PCGF6: variants seen among roughly 807,000 people sequenced by gnomAD.
PCGF6 encodes the protein polycomb group RING finger protein 6.
A neutral mutation model predicts 45.5 loss-of-function variants in PCGF6; 24 were observed. The ratio of observed to expected loss-of-function variants is 0.53; its 90% CI spans 0.38 to 0.74. The LOEUF is 0.74. Ranked by LOEUF, PCGF6 falls within the 30% of genes least tolerant of loss-of-function variation. The pLI is 0.00. For synonymous variants in PCGF6, 152 were observed against 162.1 expected, an observed-to-expected ratio of 0.94 and a Z score of 0.47; for missense variants, 356 against 443.2, an observed-to-expected ratio of 0.80 and a Z score of 1.77.
At position 103,347,225 on chromosome 10, in the gene PCGF6, C is replaced by T; in HGVS notation, c.673+13G>A. The T allele has an allele frequency of 1.3e-6, 2 of 1,585,812 alleles. No homozygotes were observed. Among genetic ancestry groups the T allele is most frequent in the East Asian group, 2.2e-5 (1 of 44,606 alleles). On this transcript the variant is annotated intron_variant, in intron 5 of 9. Coordinates refer to ENST00000369847, the MANE Select transcript of PCGF6 (RefSeq NM_001011663.2). ...TAATCTGTAAGTACATTATAGTATA[C>T]ACCCAAACTTACCAGGTTTAGGTAC...
chr10:103,343,007 CA>C (rs1564734547), intron 6 of PCGF6, among the ~76,000 whole-genome samples: 2 of 152,090 alleles, frequency 1.3e-5, no homozygotes, highest in Non-Finnish European at 2.9e-5. Flanking sequence ...CGGCTCACTG[CA>C]AGCTCTGCCT....
At chr10:103,342,416 T>G (rs2093284273) in intron 6 of PCGF6, among the ~76,000 whole-genome samples, 1 of 151,964 alleles carries the variant, frequency 6.6e-6, no homozygotes, top group Non-Finnish European at 1.5e-5. Context: ...ATATTTTTAG[T>G]AGAGACAGGG....
chr10:103,313,972 G>A (rs978952438), intron 9 of PCGF6, among the ~76,000 whole-genome samples: 2 of 152,014 alleles, frequency 1.3e-5, no homozygotes, highest in Non-Finnish European at 2.9e-5. Flanking sequence ...TGCTTTCTTA[G>A]AATAATTATG....
At chr10:103,338,156 G>T (rs2093264878) in intron 6 of PCGF6, among the ~76,000 whole-genome samples, 2 of 151,924 alleles carry the variant, frequency 1.3e-5, no homozygotes, top group Non-Finnish European at 2.9e-5. Context: ...CAGGAGAACT[G>T]CTTGAACCTA....
intron 6 of PCGF6, among the ~76,000 whole-genome samples, chr10:103,342,480 C>T (rs564518277): frequency 2.6e-5 from 4 of 152,148 alleles, no homozygotes; most frequent in East Asian, 1.9e-4. Context: ...GTAATCTGCC[C>T]GCCTCGGCCT....
rs1218488530 is a variant in PCGF6 at position 103,343,829 on chromosome 10, T to C, written c.782+1195A>G. Among the ~76,000 whole-genome samples, 6 of 932 alleles carry C rather than the reference T, an allele frequency of 6.4e-3. 1 individual carries two copies. The South Asian group carries it at 0.6, about 93-fold the overall frequency. 0.6% of individuals were successfully genotyped at this position (932 alleles called of 152,430 possible). On this transcript the variant is annotated intron_variant, in intron 6 of 9. Coordinates refer to ENST00000369847, the MANE Select transcript of PCGF6 (RefSeq NM_001011663.2). ...GCCTGGGCGACAGAGTAAAACTCTG[T>C]CTCAAAAAAAAAAAAAAAAAAGAAA...
intron 7 of PCGF6, among the ~76,000 whole-genome samples, chr10:103,329,145 T>C (rs191703638): frequency 6.6e-6 from 1 of 152,162 alleles, no homozygotes; most frequent in African/African-American, 2.4e-5. Context: ...ATTCAAGTGA[T>C]TCTCCTATCT....
chr10:103,344,690 G>C (rs1368254232), intron 6 of PCGF6, among the ~76,000 whole-genome samples: 1 of 151,298 alleles, frequency 6.6e-6, no homozygotes, highest in African/African-American at 2.4e-5. Context: ...AGCCTCCCAA[G>C]TAGCTGGGAT....
At chr10:103,350,126 C>G (rs1275156087) in intron 1 of PCGF6, among the ~76,000 whole-genome samples, 4 of 150,976 alleles carry the variant, frequency 2.6e-5, no homozygotes, top group African/African-American at 9.7e-5. Flanking sequence ...TCTTTACTGC[C>G]TAGTAAGCAG....
intron 6 of PCGF6, among the ~76,000 whole-genome samples, chr10:103,340,196 A>ATATATATATATATAT (rs1397610873): frequency 1.0e-5 from 1 of 99,972 alleles, no homozygotes; most frequent in African/African-American, 4.0e-5. Context: ...AAAAAAAAAA[A>ATATATATATATATAT]AAATATATAT....
chr10:103,344,353 C>T lies in PCGF6; in HGVS notation c.782+671G>A, dbSNP rs563332259. Among the ~76,000 whole-genome samples, 329 of 151,852 alleles carry T rather than the reference C, an allele frequency of 2.2e-3. 1 individual carries two copies. The highest frequency in any genetic ancestry group is 3.4e-3 in the Middle Eastern group (1 of 294). ...GTGGCACGACCTCGGTTCACTTCAA[C>T]CTCCACTGCCCGATTTCAAGTGATT... On this transcript the variant is annotated intron_variant, in intron 6 of 9. Transcript: ENST00000369847.
chr10:103,323,222 A>C (rs1175592297), intron 8 of PCGF6, among the ~76,000 whole-genome samples: 4 of 152,336 alleles, frequency 2.6e-5, no homozygotes, highest in Non-Finnish European at 4.4e-5. Flanking sequence ...GCTCAGTTAG[A>C]GAAGTCATAT....
At chr10:103,343,977 G>A (rs887851783) in intron 6 of PCGF6, among the ~76,000 whole-genome samples, 2 of 151,748 alleles carry the variant, frequency 1.3e-5, no homozygotes, top group Admixed American at 6.6e-5. Flanking sequence ...ATATGAATTT[G>A]TTTACGGCAA....
intron 6 of PCGF6, among the ~76,000 whole-genome samples, chr10:103,339,751 C>T (rs892485272): frequency 1.3e-5 from 2 of 149,586 alleles, no homozygotes; most frequent in South Asian, 2.1e-4. Context: ...AAGCCAAGAT[C>T]GCGCCACTGC....
chr10:103,341,525 C>T (rs907875771), intron 6 of PCGF6, among the ~76,000 whole-genome samples: 16 of 151,450 alleles, frequency 1.1e-4, no homozygotes, highest in East Asian at 5.9e-4. Flanking sequence ...CTGCAACCTC[C>T]GCCTCTCGGA....
chr10:103,305,298 G>C (rs945402221), intron 9 of PCGF6, among the ~76,000 whole-genome samples: 11 of 150,602 alleles, frequency 7.3e-5, no homozygotes, highest in African/African-American at 2.7e-4. Context: ...TTGAAACACA[G>C]TCTGGCTCTG....
At chr10:103,313,313 C>T (rs61869825) in intron 9 of PCGF6, among the ~76,000 whole-genome samples, 41,050 of 152,166 alleles carry the variant, frequency 0.27, 6,607 homozygotes, top group South Asian at 0.5. Context: ...CCCTGTAATC[C>T]CAGCCCTTTG....
chr10:103,346,615 A>T (rs1419978325), intron 5 of PCGF6, among the ~76,000 whole-genome samples: 1 of 152,018 alleles, frequency 6.6e-6, no homozygotes, highest in Non-Finnish European at 1.5e-5. Flanking sequence ...ATCTCAAAAA[A>T]TAATCATAAT....
At chr10:103,336,581 T>C (rs569323536) in intron 6 of PCGF6, among the ~76,000 whole-genome samples, 4 of 152,246 alleles carry the variant, frequency 2.6e-5, no homozygotes, top group African/African-American at 9.6e-5. Context: ...TTGTTAGAAA[T>C]TGCTTGCTTG....
Sources: gnomAD v4.1 joint callset for allele counts (sites outside exome capture counted in the v4.1 genomes callset) on GRCh38, gnomAD v4.1.1 for gene constraint, MANE v1.5 for transcripts, NCBI Gene and HGNC (gene_info 2026-07-23, HGNC 2026-07-21) for gene names.